FLCN: variants seen among roughly 807,000 people sequenced by gnomAD.
The protein encoded by FLCN is BHD skin lesion fibrofolliculoma protein.
In FLCN, 22 loss-of-function variants were observed where a neutral mutation model predicts 62.5. The observed-to-expected ratio is 0.35, with a 90% CI of 0.25 to 0.50. FLCN has a LOEUF of 0.50. Ranked by LOEUF, FLCN falls within the 20% of genes least tolerant of loss-of-function variation. The pLI, the probability that FLCN is intolerant of heterozygous loss-of-function variation, is 0.97. For synonymous variants in FLCN, 319 were observed against 310.0 expected (o/e 1.03, Z -0.30); for missense variants, 657 against 778.0 (o/e 0.84, Z 1.85).
At chr17:17,233,972 C>G (rs1362838718) in intron 1 of FLCN, among the ~76,000 whole-genome samples, 1 of 151,800 alleles carries the variant, frequency 6.6e-6, no homozygotes, top group Non-Finnish European at 1.5e-5. Flanking sequence ...ATCCACCTAC[C>G]TCAGCCTCCC....
Position 17,219,534 on chromosome 17 carries a change from G to A in FLCN, c.872-325C>T, listed in dbSNP as rs112853800. The A allele has an allele frequency of 3.8e-3, 566 of 150,470 alleles. 5 individuals are homozygous for A. Among genetic ancestry groups the A allele is most frequent in the Middle Eastern group, 0.033 (12 of 360 alleles). 9.3% of individuals were successfully genotyped at this position (150,470 alleles called of 1,614,324 possible). A position where few individuals can be genotyped will look rare whatever the true frequency, so the allele number is the denominator to read the frequency against. The stretch of plus-strand genomic sequence containing the variant: ...ACACACCCAGTCGGCCACAGTTCTC[G>A]AGGATCTACACGTTGTTTCTTTTTT... On this transcript the variant is annotated intron_variant, in intron 8 of 13. Transcript: ENST00000285071.
rs1414696397 is a variant in FLCN at position 17,224,049 on chromosome 17, CT to C, written c.490del (p.Arg164GlyfsTer13). ...GATGCTGTACCAGCGCTGGAAGCCC[CT>C]GGCCAGGCTGTCCTTGATGAAGAAG... ...HTFFIKDSLA[R>X]GFQRWYSIIT... On this transcript the variant is annotated frameshift_variant, in exon 6 of 14. Transcript: ENST00000285071. LOFTEE classifies it high-confidence loss of function. 1 of 1,613,742 alleles carries C rather than the reference CT, an allele frequency of 6.2e-7. No homozygotes were observed.
rs967485241 is a variant in FLCN, at chr17:17,216,864, G to C, written c.1176+205C>G. On this transcript the variant is annotated intron_variant, in intron 10 of 13. Transcript: ENST00000285071. The surrounding 1 kb of genome is among the most constrained non-coding windows in gnomAD (Gnocchi z 4.0). ...TTTTGTTCCCTCTCAGGCCTGGGCA[G>C]TCAGCAGGCACACGCATCCTTCTGA... 1 of 640,616 alleles carries C rather than the reference G, an allele frequency of 1.6e-6. No homozygotes were observed. The highest frequency in any genetic ancestry group is 2.8e-6 in the Non-Finnish European group (1 of 355,056). 39.7% of individuals were successfully genotyped at this position (640,616 alleles called of 1,614,324 possible).
intron 7 of FLCN, among the ~76,000 whole-genome samples, chr17:17,222,039 T>TA (rs35488709): frequency 0.44 from 62,549 of 142,556 alleles, 15,910 homozygotes; most frequent in East Asian, 0.63. Flanking sequence ...AGATTTGCTT[T>TA]AAAAAAAAAA....
chr17:17,217,265 A>G (rs1309742593), intron 9 of FLCN, 83 bp from the exon 10 acceptor site: 1 of 982,454 alleles, frequency 1.0e-6, no homozygotes, highest in Non-Finnish European at 1.6e-6. Flanking sequence ...TTGTGTGTTC[A>G]TAAAACTTTG....
chr17:17,235,580 C>G (rs574503131), intron 1 of FLCN: 2 of 152,396 alleles, frequency 1.3e-5, no homozygotes, highest in Admixed American at 1.3e-4. Context: ...CTACAGAGCA[C>G]TTAGCTTTGC....
rs904565272 is a variant in FLCN at position 17,235,048 on chromosome 17, C to T, written c.-228+1864G>A. On this transcript the variant is annotated intron_variant, in intron 1 of 13. Coordinates refer to ENST00000285071, the MANE Select transcript of FLCN (RefSeq NM_144997.7). The stretch of plus-strand genomic sequence containing the variant: ...AATGGCGTGAACCCAGGAGGCACAG[C>T]TTGCAGTGAGCTGATCGCACCACTG... 2.0e-5 allele frequency among the ~76,000 whole-genome samples: 3 copies of T among 147,530 alleles called. No homozygotes were observed. In the East Asian group the frequency reaches 6.1e-4, roughly 30 times the overall value.
rs770077517 is a variant in FLCN at position 17,215,230 on chromosome 17, A to C, written c.1387T>G (p.Tyr463Asp). Residue 463 changes from tyrosine (Y) to aspartate (D), a missense_variant, in exon 12 of 14, where the codon TAC (tyrosine) becomes GAC (aspartate). Tyr to Asp is a radical substitution (Grantham distance 160). Coordinates refer to ENST00000285071, the MANE Select transcript of FLCN (RefSeq NM_144997.7). ...GCEDDQSLSK[Y>D]EFVVTSGSPV... ...CTCCCACTGGTCACCACAAACTCGTACTTGCTGAGAGACTGGTCATCCTCA... is the reference window on the plus strand; with the variant it reads ...CTCCCACTGGTCACCACAAACTCGTCCTTGCTGAGAGACTGGTCATCCTCA... 6.2e-7 allele frequency: 1 copy of C among 1,614,188 alleles called. No individual in the cohort carries two copies. Among genetic ancestry groups the C allele is most frequent in the Non-Finnish European group, 8.5e-7 (1 of 1,180,042 alleles).
At chr17:17,233,492 G>C (rs1215613885) in intron 1 of FLCN, among the ~76,000 whole-genome samples, 1 of 150,500 alleles carries the variant, frequency 6.6e-6, no homozygotes, top group South Asian at 2.1e-4. Context: ...CCAGCTACTC[G>C]GGAGGCTGAG....
chr17:17,214,309 C>A (rs1011318609), intron 13 of FLCN, among the ~76,000 whole-genome samples: 1 of 150,784 alleles, frequency 6.6e-6, no homozygotes, highest in Non-Finnish European at 1.5e-5. Flanking sequence ...AAAAAAAACC[C>A]GGGGGGCCAG....
intron 7 of FLCN, among the ~76,000 whole-genome samples, chr17:17,222,026 C>G (rs1829879123): frequency 7.2e-6 from 1 of 138,516 alleles, no homozygotes; most frequent in Non-Finnish European, 1.5e-5. Context: ...AATGATACGA[C>G]TCAGATTTGC....
At chr17:17,231,005 T>G in intron 3 of FLCN, among the ~76,000 whole-genome samples, 1 of 152,030 alleles carries the variant, frequency 6.6e-6, no homozygotes, top group East Asian at 1.9e-4. Flanking sequence ...AAGACCAGCC[T>G]GGCCAACATG....
At chr17:17,221,373 CAACA>C (rs1567815574) in intron 8 of FLCN, 160 bp downstream of exon 8, 1 of 1,607,642 alleles carries the variant, frequency 6.2e-7, no homozygotes, top group Middle Eastern at 1.7e-4. Flanking sequence ...ACAACAATCA[CAACA>C]ATCACACCGA....
chr17:17,218,550 A>G (rs867178101), intron 9 of FLCN, among the ~76,000 whole-genome samples: 3 of 151,912 alleles, frequency 2.0e-5, no homozygotes, highest in East Asian at 1.9e-4. Context: ...ATGCCCAGCT[A>G]ATTTTTGTAT....
chr17:17,217,857 A>G (rs973660271), intron 9 of FLCN, among the ~76,000 whole-genome samples: 1 of 152,208 alleles, frequency 6.6e-6, no homozygotes, highest in Non-Finnish European at 1.5e-5. Flanking sequence ...GAAACACAAC[A>G]TAAGAGAGAG....
chr17:17,214,314 G>A (rs8067893), intron 13 of FLCN, among the ~76,000 whole-genome samples: 35,213 of 151,784 alleles, frequency 0.23, 6,044 homozygotes, highest in African/African-American at 0.49. Flanking sequence ...AAACCCGGGG[G>A]GCCAGGTGCA....
intron 6 of FLCN, 35 bp downstream of exon 6, chr17:17,223,887 C>A: frequency 1.9e-6 from 3 of 1,610,096 alleles, no homozygotes; most frequent in Non-Finnish European, 2.5e-6. Context: ...AGTGCAGGGC[C>A]CCCTGCCGCC....
In FLCN at chr17:17,213,242, G is replaced by A. The variant is rs2046804245; in HGVS notation, c.*413C>T. 4 of 395,366 alleles carry A rather than the reference G, an allele frequency of 1.0e-5. No homozygotes were observed. The highest frequency in any genetic ancestry group is 8.4e-5 in the East Asian group (2 of 23,864). 24.5% of individuals were successfully genotyped at this position (395,366 alleles called of 1,614,324 possible). A position where few individuals can be genotyped will look rare whatever the true frequency, so the allele number is the denominator to read the frequency against. The stretch of plus-strand genomic sequence containing the variant: ...TCAAACATAAGGCCCAGAAACTCTT[G>A]CTGAATTTCAAAGTAGAAACGCTTG... On this transcript the variant is annotated 3_prime_UTR_variant, in exon 14 of 14. Transcript: ENST00000285071.
At chr17:17,233,626 C>G (rs1017082558) in intron 1 of FLCN, among the ~76,000 whole-genome samples, 4 of 145,162 alleles carry the variant, frequency 2.8e-5, no homozygotes, top group Non-Finnish European at 6.0e-5. Context: ...AAAAAATTAG[C>G]CGGGCATGCC....
Sources: allele counts gnomAD v4.1 joint callset (sites outside exome capture counted in the v4.1 genomes callset), GRCh38; gene constraint gnomAD v4.1.1; non-coding constraint Gnocchi (gnomAD v3.1); transcripts MANE v1.5; gene names NCBI Gene and HGNC (gene_info 2026-07-23, HGNC 2026-07-21).